STAG2: variants seen among roughly 807,000 people sequenced by gnomAD.
STAG2 encodes cohesin subunit SA-2.
STAG2 carries 14 observed loss-of-function variants against 108.1 expected under a neutral mutation model. That is an observed-to-expected ratio of 0.13 (90% CI 0.09 to 0.20). STAG2 has a LOEUF of 0.20. Among genes scored for constraint, STAG2 ranks in the 10% least tolerant of loss-of-function variants. The pLI, the probability that STAG2 is intolerant of heterozygous loss-of-function variation, is 1.00. For missense variants in STAG2, 440 were observed against 940.9 expected (o/e 0.47, Z 6.96); for synonymous variants, 307 against 302.7 (o/e 1.01, Z -0.15).
intron 1 of STAG2, among the ~76,000 whole-genome samples, chrX:123,984,557 T>C (rs1373800324): frequency 8.9e-6 from 1 of 112,043 alleles, no homozygotes; most frequent in Non-Finnish European, 1.9e-5. Flanking sequence ...GTGTCTCTAA[T>C]AGTGCCTGAT....
chrX:123,983,025 CCA>C (rs1395535591), intron 1 of STAG2, among the ~76,000 whole-genome samples: 1 of 111,212 alleles, frequency 9.0e-6, no homozygotes. Context: ...TACGTGGTAA[CCA>C]CATTTTCCCT....
chrX:124,008,073 TAATG>T (rs964389075), intron 1 of STAG2, among the ~76,000 whole-genome samples: 4 of 111,590 alleles, frequency 3.6e-5, no homozygotes, highest in Non-Finnish European at 5.6e-5. Flanking sequence ...AAAGGGGACA[TAATG>T]AAGTAAAACA....
chrX:123,980,137 A>G (rs892973930), intron 1 of STAG2, among the ~76,000 whole-genome samples: 30 of 111,986 alleles, frequency 2.7e-4, no homozygotes, highest in African/African-American at 9.4e-4. Context: ...CTTGCATCCA[A>G]ATGCAAGCTG....
rs776403963 is a variant in STAG2, at chrX:124,102,527, G to C, written c.*1930G>C. ...TTGTATGTTTTCTCTTGTACTCAAAGGGGGAGGGTGGCTATAAATGGTTTG... is the reference window on the plus strand; with the variant it reads ...TTGTATGTTTTCTCTTGTACTCAAACGGGGAGGGTGGCTATAAATGGTTTG... On this transcript the variant is annotated 3_prime_UTR_variant, in exon 35 of 35. Transcript: ENST00000371145. 6.5e-6 allele frequency: 1 copy of C among 154,042 alleles called. No individual in the cohort carries two copies. 12.7% of individuals were successfully genotyped at this position (154,042 alleles called of 1,213,427 possible). A position where few individuals can be genotyped will look rare whatever the true frequency, so the allele number is the denominator to read the frequency against.
At chrX:124,098,672 T>C (rs1273741182) in intron 34 of STAG2, among the ~76,000 whole-genome samples, 5 of 112,139 alleles carry the variant, frequency 4.5e-5, no homozygotes, top group African/African-American at 1.6e-4. Context: ...TGTAAAAATA[T>C]CTTTTTAAAC....
At chrX:124,037,505 T>A in intron 5 of STAG2, 22 bp from the exon 6 acceptor site, 3 of 1,069,959 alleles carry the variant, frequency 2.8e-6, no homozygotes, top group Non-Finnish European at 3.8e-6. Context: ...CTAATGATTT[T>A]ATTTTTTTCC....
intron 11 of STAG2, 24 bp from the exon 12 acceptor site, chrX:124,051,097 A>ATTT: frequency 1.4e-6 from 1 of 734,774 alleles, no homozygotes; most frequent in South Asian, 2.8e-5. Context: ...GCATTGTCTC[A>ATTT]TCTTTTTTTT....
chrX:124,095,943 G>C (rs12843859), intron 34 of STAG2, among the ~76,000 whole-genome samples: 3,653 of 109,504 alleles, frequency 0.033, 61 homozygotes, highest in Non-Finnish European at 0.048. Flanking sequence ...ATCCTTAATT[G>C]GTTATTATTG....
intron 1 of STAG2, among the ~76,000 whole-genome samples, chrX:124,000,390 C>A (rs770501287): frequency 9.0e-6 from 1 of 111,430 alleles, no homozygotes; most frequent in East Asian, 2.8e-4. Flanking sequence ...CAAATTGTGG[C>A]CAGGCATGGT....
intron 1 of STAG2, among the ~76,000 whole-genome samples, chrX:123,966,458 T>TA (rs79614173): frequency 3.4e-4 from 35 of 103,517 alleles, no homozygotes; most frequent in East Asian, 5.9e-4. Flanking sequence ...AGACTCCGTT[T>TA]AAAAAAAAAA....
chrX:124,039,209 G>T (rs1012651948), intron 6 of STAG2, among the ~76,000 whole-genome samples: 2 of 107,851 alleles, frequency 1.9e-5, no homozygotes, highest in Non-Finnish European at 3.8e-5. Context: ...AGGCTGGAGT[G>T]TAGTGTCGTG....
chrX:124,005,678 T>C (rs1254653001), intron 1 of STAG2, among the ~76,000 whole-genome samples: 1 of 112,145 alleles, frequency 8.9e-6, no homozygotes, highest in African/African-American at 3.2e-5. Context: ...TACTGAGATG[T>C]AGTCTGCGGT....
intron 5 of STAG2, among the ~76,000 whole-genome samples, chrX:124,031,551 G>GTT (rs140019478): frequency 1.7e-4 from 16 of 94,442 alleles, no homozygotes; most frequent in South Asian, 1.2e-3. Flanking sequence ...TTGTTTGTTT[G>GTT]TTTTTTTTGT....
In STAG2 at chrX:124,001,285, T is replaced by G. The variant is rs745584110; in HGVS notation, c.-162-20082T>G. 4.8e-3 allele frequency among the ~76,000 whole-genome samples: 537 copies of G among 110,779 alleles called. 2 individuals carry two copies. The highest frequency in any genetic ancestry group is 0.017 in the African/African-American group (503 of 30,437). On this transcript the variant is annotated intron_variant, in intron 1 of 34. Transcript: ENST00000371145. The stretch of plus-strand genomic sequence containing the variant: ...TTTTCTATTTTTAGTAGAGATGGGG[T>G]TTCACCGTGTTAGCCAGGATGGTCT...
At chrX:124,039,296 C>T (rs2057624781) in intron 6 of STAG2, among the ~76,000 whole-genome samples, 1 of 109,290 alleles carries the variant, frequency 9.1e-6, no homozygotes, top group Non-Finnish European at 1.9e-5. Flanking sequence ...GCTGGGACTA[C>T]AGGCTCACGA....
In STAG2 at chrX:124,095,469, A is replaced by T; in HGVS notation, c.3783+20A>T. 8.7e-7 allele frequency: 1 copy of T among 1,154,208 alleles called. No individual in the cohort carries two copies. ...GAATCAGTAGGTTTAATTTAAATGT[A>T]CCCTAGGATTGCAAAATCAGAAGTA... On this transcript the variant is annotated intron_variant, in intron 34 of 34. Coordinates refer to ENST00000371145, the MANE Select transcript of STAG2 (RefSeq NM_001042750.2).
At chrX:124,010,673 A>G (rs2056493591) in intron 1 of STAG2, among the ~76,000 whole-genome samples, 1 of 111,518 alleles carries the variant, frequency 9.0e-6, no homozygotes, top group Admixed American at 9.6e-5. Context: ...TCTTTGAACA[A>G]TATCAATTTG....
chrX:124,058,154 C>CTTTTTTTTTT (rs999044036), intron 15 of STAG2, among the ~76,000 whole-genome samples, 177 bp downstream of exon 15: 19 of 72,941 alleles, frequency 2.6e-4, no homozygotes, highest in East Asian at 4.3e-4. Context: ...TACTTTTCTT[C>CTTTTTTTTTT]TTTTTTTTTT....
chrX:123,988,682 G>T (rs1048859782), intron 1 of STAG2, among the ~76,000 whole-genome samples: 3 of 111,557 alleles, frequency 2.7e-5, no homozygotes, highest in Non-Finnish European at 5.6e-5. Context: ...ACTGGTTGAG[G>T]TGTTAGTTTG....
Sources: allele counts gnomAD v4.1 joint callset (sites outside exome capture counted in the v4.1 genomes callset), GRCh38; gene constraint gnomAD v4.1.1; transcripts MANE v1.5; gene names NCBI Gene and HGNC (gene_info 2026-07-23, HGNC 2026-07-21).